Variants in SEMA3A observed in about 807,000 individuals in gnomAD.
SEMA3A encodes the protein semaphorin 3A.
In SEMA3A, 29 loss-of-function variants were observed where a neutral mutation model predicts 97.9. The ratio of observed to expected loss-of-function variants is 0.30; its 90% CI spans 0.22 to 0.40. SEMA3A has a LOEUF of 0.40. Among genes scored for constraint, SEMA3A ranks in the 10% least tolerant of loss-of-function variants. SEMA3A has a pLI of 1.00. For synonymous variants in SEMA3A, 321 were observed against 323.7 expected (o/e 0.99, Z 0.09); for missense variants, 763 against 951.3 (o/e 0.80, Z 2.60).
chr7:84,254,396 G>A (rs991578658), intron 3 of SEMA3A, among the ~76,000 whole-genome samples: 20 of 152,178 alleles, frequency 1.3e-4, no homozygotes, highest in African/African-American at 4.6e-4. Context: ...GCAAATTACA[G>A]GAAATGATTT....
chr7:84,049,167 G>C (rs1377087312), intron 5 of SEMA3A, among the ~76,000 whole-genome samples: 1 of 152,050 alleles, frequency 6.6e-6, no homozygotes, highest in African/African-American at 2.4e-5. Flanking sequence ...ATGCAGTTTA[G>C]GCACCAGTTG....
At chr7:84,034,779 G>GC (rs1202968999) in intron 6 of SEMA3A, among the ~76,000 whole-genome samples, 1 of 102,306 alleles carries the variant, frequency 9.8e-6, no homozygotes, top group Non-Finnish European at 2.2e-5. Flanking sequence ...CCTATTTCCT[G>GC]TTTTTTTGTC....
chr7:84,335,081 T>C (rs978357224), intron 2 of SEMA3A, among the ~76,000 whole-genome samples: 3 of 152,184 alleles, frequency 2.0e-5, no homozygotes, highest in Non-Finnish European at 2.9e-5. Context: ...ACCTTAAAAT[T>C]TTCAATTTTT....
intron 1 of SEMA3A, among the ~76,000 whole-genome samples, chr7:84,138,978 A>G (rs1213830008): frequency 6.6e-6 from 1 of 152,074 alleles, no homozygotes; most frequent in Non-Finnish European, 1.5e-5. Flanking sequence ...TCCTTAGTTA[A>G]ATGCATGACT....
chr7:84,375,972 T>C (rs1436635850), intron 1 of SEMA3A, among the ~76,000 whole-genome samples: 5 of 152,168 alleles, frequency 3.3e-5, no homozygotes, highest in African/African-American at 1.2e-4. Flanking sequence ...CTTATTTCAC[T>C]TAACATAAGG....
At chr7:84,163,924 C>T (rs542981754) in intron 1 of SEMA3A, among the ~76,000 whole-genome samples, 4 of 151,592 alleles carry the variant, frequency 2.6e-5, no homozygotes, top group Non-Finnish European at 5.9e-5. Context: ...CGGCTCACCG[C>T]AACCTCCGCC....
intron 3 of SEMA3A, among the ~76,000 whole-genome samples, chr7:84,273,653 A>T (rs1800212166): frequency 6.6e-6 from 1 of 152,122 alleles, no homozygotes; most frequent in South Asian, 2.1e-4. Context: ...TGTAGGCAGC[A>T]TTGAGGGTGC....
At chr7:84,462,616 G>C (rs1374594670) in intron 1 of SEMA3A, among the ~76,000 whole-genome samples, 1 of 152,028 alleles carries the variant, frequency 6.6e-6, no homozygotes, top group Non-Finnish European at 1.5e-5. Flanking sequence ...ATGTTCCTTA[G>C]AGCTTTATTT....
intron 1 of SEMA3A, among the ~76,000 whole-genome samples, chr7:84,404,960 T>C (rs542637492): frequency 2.9e-4 from 44 of 152,130 alleles, no homozygotes; most frequent in South Asian, 6.2e-4. Flanking sequence ...GTAAAGACCA[T>C]CAAGGCTAGG....
In SEMA3A at chr7:84,146,649, T is replaced by C. The variant is rs569080403; in HGVS notation, c.113-11698A>G. Among the ~76,000 whole-genome samples, 4 of 152,300 alleles carry C rather than the reference T, an allele frequency of 2.6e-5. 1 individual carries two copies. In the South Asian group the frequency reaches 8.3e-4, roughly 32 times the overall value. Reference sequence around the variant, plus strand: ...GTAAATGTCATAATGTGGACAAAAATGGATAATTCAAACGTGCATTGCTAT... The same window carrying C: ...GTAAATGTCATAATGTGGACAAAAACGGATAATTCAAACGTGCATTGCTAT... On this transcript the variant is annotated intron_variant, in intron 1 of 16. Coordinates refer to ENST00000265362, the MANE Select transcript of SEMA3A (RefSeq NM_006080.3).
intron 2 of SEMA3A, among the ~76,000 whole-genome samples, chr7:84,337,294 T>C (rs1384054457): frequency 6.6e-6 from 1 of 152,182 alleles, no homozygotes; most frequent in African/African-American, 2.4e-5. Context: ...TGTTTTACTG[T>C]GCCTAGCACA....
intron 4 of SEMA3A, among the ~76,000 whole-genome samples, chr7:84,065,820 C>T (rs1257240690): frequency 1.3e-5 from 2 of 151,942 alleles, no homozygotes; most frequent in Non-Finnish European, 2.9e-5. Flanking sequence ...GATGGATTCA[C>T]AGCTGAATTC....
At chr7:84,136,637 C>G (rs75759692) in intron 1 of SEMA3A, among the ~76,000 whole-genome samples, 1 of 152,262 alleles carries the variant, frequency 6.6e-6, no homozygotes, top group East Asian at 1.9e-4. Flanking sequence ...TAACCTGCAT[C>G]CCACTGTCAA....
At chr7:84,306,448 C>T (rs989294514) in intron 3 of SEMA3A, 1 of 152,050 alleles carries the variant, frequency 6.6e-6, no homozygotes, top group Non-Finnish European at 1.5e-5. Context: ...GTTATTTTCT[C>T]TTAACAGTCC....
intron 1 of SEMA3A, among the ~76,000 whole-genome samples, chr7:84,430,724 T>C (rs2116317917): frequency 6.6e-6 from 1 of 152,022 alleles, no homozygotes; most frequent in East Asian, 1.9e-4. Context: ...ATAATATAAG[T>C]TCAAGGTGAA....
At position 84,329,541 on chromosome 7, in the gene SEMA3A, T is replaced by C. The variant is rs1180814325; in HGVS notation, c.-168-22249A>G. Among the ~76,000 whole-genome samples, 3 of 151,956 alleles carry C rather than the reference T, an allele frequency of 2.0e-5. No homozygotes were observed. In the East Asian group the frequency reaches 5.8e-4, roughly 29 times the overall value. On this transcript the variant is annotated intron_variant, in intron 2 of 3. Coordinates refer to the SEMA3A transcript ENST00000424555. ...GTCATGGCAAAAGATTTGAGGAAGATTGTAATCAAAGAAGAAACATGCACA... is the reference window on the plus strand; with the variant it reads ...GTCATGGCAAAAGATTTGAGGAAGACTGTAATCAAAGAAGAAACATGCACA...
At chr7:84,400,135 C>A (rs764461934) in intron 1 of SEMA3A, among the ~76,000 whole-genome samples, 4 of 152,104 alleles carry the variant, frequency 2.6e-5, no homozygotes, top group Non-Finnish European at 5.9e-5. Flanking sequence ...AAAACTCAGT[C>A]CCCTCTGAAT....
chr7:84,479,393 T>G (rs1427518901), intron 1 of SEMA3A, among the ~76,000 whole-genome samples: 1 of 152,206 alleles, frequency 6.6e-6, no homozygotes, highest in Non-Finnish European at 1.5e-5. Flanking sequence ...AACCTGCATT[T>G]ATAGGGTGGA....
chr7:84,095,358 C>CACACACACATATATATAT (rs1211794166), intron 4 of SEMA3A, among the ~76,000 whole-genome samples: 1 of 122,904 alleles, frequency 8.1e-6, no homozygotes, highest in African/African-American at 3.5e-5. Flanking sequence ...TTTTTATATA[C>CACACACACATATATATAT]ATATATATAT....
Sources: gnomAD v4.1 joint callset for allele counts (sites outside exome capture counted in the v4.1 genomes callset) on GRCh38, gnomAD v4.1.1 for gene constraint, MANE v1.5 for transcripts, NCBI Gene and HGNC (gene_info 2026-07-23, HGNC 2026-07-21) for gene names.